The following FMNL2 variants were observed in gnomAD, a reference collection of about 807,000 sequenced individuals.
The protein encoded by FMNL2 is formin like 2, also known as formin-like protein 2.
Under a neutral mutation model 130.2 loss-of-function variants are expected in FMNL2, and 51 were observed. The ratio of observed to expected loss-of-function variants is 0.39; its 90% confidence interval spans 0.31 to 0.49. The LOEUF (loss-of-function observed/expected upper bound fraction) is 0.49, where lower values mean the gene tolerates loss of function less well. Among genes scored for constraint, FMNL2 ranks in the 20% least tolerant of loss-of-function variants. The probability of loss-of-function intolerance (pLI) is 0.85; values close to 1 mark genes in which losing one functional copy is unlikely to be tolerated. For synonymous variants in FMNL2, 465 were observed against 467.1 expected, an observed-to-expected ratio of 1.00 and a Z score of 0.06; for missense variants, 977 against 1,316.2, an observed-to-expected ratio of 0.74 and a Z score of 3.99.
chr2:152,602,295 T>A (rs6434114), intron 9 of FMNL2, among the ~76,000 whole-genome samples: 28,742 of 152,120 alleles, frequency 0.19, 5,443 homozygotes, highest in African/African-American at 0.49. Context: ...ATTTATTCAC[T>A]TGCAGCCGGT....
intron 9 of FMNL2, among the ~76,000 whole-genome samples, chr2:152,585,564 G>T (rs934471584): frequency 2.0e-5 from 3 of 152,196 alleles, no homozygotes; most frequent in Non-Finnish European, 4.4e-5. Context: ...AACCAGGCTT[G>T]GAAAATGGGC....
chr2:152,401,898 C>CTTTTTTTTTTT (rs70974858), intron 1 of FMNL2, among the ~76,000 whole-genome samples: 2 of 78,556 alleles, frequency 2.5e-5, no homozygotes, highest in African/African-American at 1.1e-4. Context: ...TGTGTTTAAT[C>CTTTTTTTTTTT]TTTTTTTTTT....
chr2:152,393,972 C>A (rs1400789712), intron 1 of FMNL2, among the ~76,000 whole-genome samples: 2 of 152,134 alleles, frequency 1.3e-5, no homozygotes, highest in Admixed American at 6.5e-5. Context: ...AATGTAAAAA[C>A]CATTCTTAGC....
rs888612274 is a variant in FMNL2 at position 152,556,731 on chromosome 2, A to G, written c.360-2009A>G. 7.9e-5 allele frequency among the ~76,000 whole-genome samples: 12 copies of G among 152,170 alleles called. No homozygotes were observed. In the South Asian group the frequency reaches 1.7e-3, roughly 21 times the overall value. On this transcript the variant is annotated intron_variant, in intron 4 of 25. Transcript: ENST00000288670. ...TGACACAAGGGCAGGCACTGAGTGCATTCTGAATGGTCTGCACTCTACAGA... is the reference window on the plus strand; with the variant it reads ...TGACACAAGGGCAGGCACTGAGTGCGTTCTGAATGGTCTGCACTCTACAGA...
chr2:152,639,915 A>G (rs1050454200), intron 23 of FMNL2, 43 bp from the exon 24 acceptor site: 2 of 1,506,942 alleles, frequency 1.3e-6, no homozygotes, highest in Non-Finnish European at 8.9e-7. Context: ...GGCTGCTCTC[A>G]TTTCCATTAA....
chr2:152,566,485 G>A (rs1695845021), intron 6 of FMNL2, among the ~76,000 whole-genome samples: 1 of 152,186 alleles, frequency 6.6e-6, no homozygotes, highest in African/African-American at 2.4e-5. Flanking sequence ...AACAGTAAGT[G>A]AAGGAGGCAG....
At chr2:152,578,155 G>C (rs777573913) in intron 7 of FMNL2, among the ~76,000 whole-genome samples, 4 of 152,134 alleles carry the variant, frequency 2.6e-5, no homozygotes, top group Non-Finnish European at 4.4e-5. Flanking sequence ...CCACAAATCT[G>C]TGTGGATAGA....
chr2:152,585,433 T>C (rs921341368), intron 9 of FMNL2, among the ~76,000 whole-genome samples: 1 of 152,156 alleles, frequency 6.6e-6, no homozygotes, highest in Non-Finnish European at 1.5e-5. Context: ...AACCACCCTT[T>C]GGATATTTAT....
chr2:152,516,334 A>T (rs1409860340), intron 1 of FMNL2, among the ~76,000 whole-genome samples: 1 of 151,996 alleles, frequency 6.6e-6, no homozygotes, highest in Non-Finnish European at 1.5e-5. Flanking sequence ...TAAAGTAATG[A>T]CTCCTTCTTT....
chr2:152,611,922 G>A (rs1698705148), intron 11 of FMNL2, among the ~76,000 whole-genome samples: 1 of 152,060 alleles, frequency 6.6e-6, no homozygotes, highest in African/African-American at 2.4e-5. Context: ...TCCTTCATCT[G>A]GGCTATTGGG....
At chr2:152,379,979 T>C (rs1410871548) in intron 1 of FMNL2, among the ~76,000 whole-genome samples, 1 of 152,204 alleles carries the variant, frequency 6.6e-6, no homozygotes, top group Non-Finnish European at 1.5e-5. Context: ...TAGAAATAGA[T>C]TCAGTTATAT....
intron 1 of FMNL2, among the ~76,000 whole-genome samples, chr2:152,441,576 C>A (rs1344687805): frequency 6.6e-6 from 1 of 151,554 alleles, no homozygotes; most frequent in African/African-American, 2.4e-5. Flanking sequence ...GTGGTTCATG[C>A]CTGTAATCCC....
At chr2:152,607,111 T>C (rs887087925) in intron 9 of FMNL2, among the ~76,000 whole-genome samples, 8 of 151,634 alleles carry the variant, frequency 5.3e-5, no homozygotes, top group Non-Finnish European at 1.0e-4. Flanking sequence ...ACACATTTGA[T>C]ATGGATTTCA....
At chr2:152,526,957 G>C (rs1693424387) in intron 2 of FMNL2, among the ~76,000 whole-genome samples, 1 of 151,740 alleles carries the variant, frequency 6.6e-6, no homozygotes, top group Non-Finnish European at 1.5e-5. Flanking sequence ...TTTTCCTTAA[G>C]ATGTTCTTCC....
chr2:152,607,506 C>CACACACACAG (rs1491203656), intron 10 of FMNL2, 93 bp downstream of exon 10: 9 of 712,608 alleles, frequency 1.3e-5, no homozygotes, highest in Middle Eastern at 4.4e-4. Flanking sequence ...CACACACACA[C>CACACACACAG]ATATTTATAT....
chr2:152,338,971 T>C (rs769324376), intron 1 of FMNL2, among the ~76,000 whole-genome samples: 5 of 152,330 alleles, frequency 3.3e-5, no homozygotes, highest in Non-Finnish European at 7.3e-5. Context: ...CTTCAATCTT[T>C]GTTCTTTTAG....
At chr2:152,541,824 C>T (rs1694324907) in intron 2 of FMNL2, among the ~76,000 whole-genome samples, 1 of 151,724 alleles carries the variant, frequency 6.6e-6, no homozygotes, top group Non-Finnish European at 1.5e-5. Context: ...CAGTACATGG[C>T]TTGTTTTCAT....
chr2:152,585,811 A>G (rs917078141), intron 9 of FMNL2, among the ~76,000 whole-genome samples: 9 of 152,006 alleles, frequency 5.9e-5, no homozygotes, highest in African/African-American at 2.2e-4. Flanking sequence ...GAAGTCTTCA[A>G]CCTAGCTCTT....
At chr2:152,618,709 T>G (rs967276845) in intron 13 of FMNL2, 137 bp from the exon 14 acceptor site, 1 of 676,954 alleles carries the variant, frequency 1.5e-6, no homozygotes, top group Non-Finnish European at 2.4e-6. Flanking sequence ...TGGGACTTTA[T>G]AGGTTCTAGC....
Sources: allele counts gnomAD v4.1 joint callset (sites outside exome capture counted in the v4.1 genomes callset), GRCh38; gene constraint gnomAD v4.1.1; transcripts MANE v1.5; gene names NCBI Gene and HGNC (gene_info 2026-07-23, HGNC 2026-07-21).